The following SIL1 variants were observed in gnomAD, a reference collection of about 807,000 sequenced individuals.
The protein encoded by SIL1 is nucleotide exchange factor SIL1.
SIL1 carries 40 observed loss-of-function variants against 49.1 expected under a neutral mutation model. The observed-to-expected ratio is 0.81, with a 90% CI of 0.63 to 1.06. The LOEUF (loss-of-function observed/expected upper bound fraction) is 1.06, where lower values mean the gene tolerates loss of function less well. Among genes scored for constraint, SIL1 ranks in the 50% least tolerant of loss-of-function variants. The pLI is 0.00. For synonymous variants in SIL1, 253 were observed against 250.8 expected (o/e 1.01, Z -0.08); for missense variants, 500 against 572.6 (o/e 0.87, Z 1.29).
chr5:139,091,374 A>G (rs1377162559), intron 3 of SIL1, among the ~76,000 whole-genome samples: 1 of 152,160 alleles, frequency 6.6e-6, no homozygotes, highest in Non-Finnish European at 1.5e-5. Flanking sequence ...GAAAAAGACC[A>G]AAAACACAAT....
At chr5:139,134,721 G>C (rs940266811) in intron 1 of SIL1, among the ~76,000 whole-genome samples, 1 of 152,300 alleles carries the variant, frequency 6.6e-6, no homozygotes, top group Admixed American at 6.5e-5. Context: ...GCTTTTCCTA[G>C]CATATTGGCA....
At chr5:139,012,403 G>A (rs1180048193) in intron 7 of SIL1, 1 of 152,038 alleles carries the variant, frequency 6.6e-6, no homozygotes, top group Non-Finnish European at 1.5e-5. Flanking sequence ...GGCCCGGTTA[G>A]TACTTGGATG....
At chr5:139,136,657 A>C (rs1750979617) in intron 1 of SIL1, among the ~76,000 whole-genome samples, 1 of 152,130 alleles carries the variant, frequency 6.6e-6, no homozygotes, top group Non-Finnish European at 1.5e-5. Context: ...AGGCAGTCAG[A>C]GGGCCCTTCA....
intron 7 of SIL1, among the ~76,000 whole-genome samples, chr5:138,978,998 C>T (rs983996405): frequency 1.9e-4 from 29 of 152,062 alleles, no homozygotes; most frequent in African/African-American, 6.8e-4. Context: ...TTCTCCCATT[C>T]GGTGGTTTTC....
intron 6 of SIL1, among the ~76,000 whole-genome samples, chr5:139,025,972 C>G (rs528169650): frequency 6.6e-6 from 1 of 152,236 alleles, no homozygotes; most frequent in East Asian, 1.9e-4. Context: ...CAGATTTGAC[C>G]TATGGGCAGT....
At chr5:139,004,867 T>A (rs1768073576) in intron 7 of SIL1, among the ~76,000 whole-genome samples, 1 of 152,166 alleles carries the variant, frequency 6.6e-6, no homozygotes, top group Non-Finnish European at 1.5e-5. Context: ...GAAAGACAAG[T>A]ATTGCATCAT....
intron 3 of SIL1, among the ~76,000 whole-genome samples, chr5:139,091,599 T>C (rs1770344318): frequency 6.6e-6 from 1 of 152,232 alleles, no homozygotes; most frequent in South Asian, 2.1e-4. Context: ...TAAAGGGGAA[T>C]TTGACAACAT....
intron 1 of SIL1, among the ~76,000 whole-genome samples, chr5:139,152,421 GACCA>G: frequency 6.6e-6 from 1 of 152,020 alleles, no homozygotes. Flanking sequence ...AGGAGTTCGA[GACCA>G]GCCTGGCCAA....
At chr5:138,951,434 T>G in intron 8 of SIL1, 99 bp from the exon 9 acceptor site, 2 of 1,243,868 alleles carry the variant, frequency 1.6e-6, no homozygotes, top group Non-Finnish European at 2.3e-6. Flanking sequence ...TTAGTCCCCA[T>G]TCCTCCCGGC....
At chr5:139,032,026 G>A (rs1013102770) in intron 5 of SIL1, among the ~76,000 whole-genome samples, 1 of 152,082 alleles carries the variant, frequency 6.6e-6, no homozygotes, top group African/African-American at 2.4e-5. Flanking sequence ...AGGCTCTTTG[G>A]GAGTTATACA....
chr5:139,112,692 C>G (rs1413124864), intron 3 of SIL1, among the ~76,000 whole-genome samples: 1 of 144,600 alleles, frequency 6.9e-6, no homozygotes, highest in Non-Finnish European at 1.5e-5. Context: ...CGGGCGCCTC[C>G]GCCCGGCCGC....
At chr5:139,049,472 C>T (rs116564747) in intron 4 of SIL1, among the ~76,000 whole-genome samples, 3,839 of 152,208 alleles carry the variant, frequency 0.025, 150 homozygotes, top group African/African-American at 0.087. Context: ...CCACCACGCC[C>T]GACCTGCAAA....
intron 1 of SIL1, among the ~76,000 whole-genome samples, chr5:139,196,053 G>A (rs999816097): frequency 1.3e-5 from 2 of 152,138 alleles, no homozygotes; most frequent in African/African-American, 4.8e-5. Context: ...AGCTGGGCCT[G>A]GTGGTGCGCC....
chr5:138,995,645 A>G (rs1030126279), intron 7 of SIL1, among the ~76,000 whole-genome samples: 1 of 152,238 alleles, frequency 6.6e-6, no homozygotes, highest in African/African-American at 2.4e-5. Context: ...TGATCTAGCA[A>G]ACAATGGTGC....
intron 1 of SIL1, among the ~76,000 whole-genome samples, chr5:139,129,319 A>G (rs1354772058): frequency 6.6e-6 from 1 of 152,230 alleles, no homozygotes; most frequent in African/African-American, 2.4e-5. Context: ...CAATGGTACC[A>G]AGACCATTCA....
intron 3 of SIL1, among the ~76,000 whole-genome samples, chr5:139,087,010 A>G (rs903703497): frequency 7.2e-5 from 11 of 151,880 alleles, no homozygotes; most frequent in African/African-American, 2.4e-4. Context: ...AAAAAATTAT[A>G]TAAATAGAAA....
intron 1 of SIL1, among the ~76,000 whole-genome samples, chr5:139,172,148 G>A (rs1751785106): frequency 6.6e-6 from 1 of 152,148 alleles, no homozygotes; most frequent in Non-Finnish European, 1.5e-5. Flanking sequence ...TACACATTGT[G>A]AAAGTCCCAG....
chr5:138,974,672 C>CCT (rs1365698938), intron 7 of SIL1, among the ~76,000 whole-genome samples: 1 of 152,124 alleles, frequency 6.6e-6, no homozygotes, highest in Non-Finnish European at 1.5e-5. Context: ...GGAAGGAGCC[C>CCT]CTGTTTCCGG....
At chr5:139,195,170 G>A (rs887738537) in intron 1 of SIL1, among the ~76,000 whole-genome samples, 1 of 152,044 alleles carries the variant, frequency 6.6e-6, no homozygotes, top group Non-Finnish European at 1.5e-5. Context: ...GACCTCAGGT[G>A]ATCCACCCAC....
Sources: allele counts gnomAD v4.1 joint callset (sites outside exome capture counted in the v4.1 genomes callset), GRCh38; gene constraint gnomAD v4.1.1; transcripts MANE v1.5; gene names NCBI Gene and HGNC (gene_info 2026-07-23, HGNC 2026-07-21).